Variants in TJP1 observed in about 807,000 individuals in gnomAD.
The protein encoded by TJP1 is tight junction protein 1.
TJP1 carries 43 observed loss-of-function variants against 194.2 expected under a neutral mutation model. The observed-to-expected ratio is 0.22, with a 90% confidence interval of 0.17 to 0.29. The LOEUF is 0.29. Ranked by LOEUF, TJP1 falls within the 10% of genes least tolerant of loss-of-function variation. TJP1 has a pLI of 1.00. For synonymous variants in TJP1, 801 were observed against 779.0 expected (o/e 1.03, Z -0.47); for missense variants, 1,971 against 2,185.7 (o/e 0.90, Z 1.96).
intron 2 of TJP1, among the ~76,000 whole-genome samples, chr15:29,895,069 C>CA (rs2053435104): frequency 6.6e-6 from 1 of 152,194 alleles, no homozygotes; most frequent in South Asian, 2.1e-4. Flanking sequence ...CTTGTGATGA[C>CA]AGTGGTAGCC....
At chr15:29,839,350 T>C (rs2051146785) in intron 2 of TJP1, among the ~76,000 whole-genome samples, 2 of 152,188 alleles carry the variant, frequency 1.3e-5, no homozygotes, top group South Asian at 4.1e-4. Flanking sequence ...CTTGCTATTA[T>C]AAAAATAGTG....
intron 2 of TJP1, among the ~76,000 whole-genome samples, chr15:29,795,632 A>G (rs1415344728): frequency 6.6e-6 from 1 of 152,150 alleles, no homozygotes; most frequent in Admixed American, 6.5e-5. Flanking sequence ...CATGAACTCT[A>G]CCAGAAACCA....
intron 2 of TJP1, among the ~76,000 whole-genome samples, chr15:29,789,577 A>G (rs1462693802): frequency 6.6e-6 from 1 of 152,232 alleles, no homozygotes; most frequent in East Asian, 1.9e-4. Flanking sequence ...GATGAAGAAA[A>G]TATCTTCTGG....
chr15:29,862,603 G>C (rs2052123492), intron 2 of TJP1, among the ~76,000 whole-genome samples: 1 of 151,818 alleles, frequency 6.6e-6, no homozygotes, highest in South Asian at 2.1e-4. Context: ...CAAACACCAG[G>C]CTGCATTTGC....
intron 2 of TJP1, 151 bp from the exon 3 acceptor site, chr15:29,773,508 A>C: frequency 2.8e-6 from 2 of 721,508 alleles, no homozygotes. Context: ...ACCTATTAGA[A>C]TTATCCTTGT....
chr15:29,913,202 G>GA (rs2054078419), intron 2 of TJP1, among the ~76,000 whole-genome samples: 3 of 151,966 alleles, frequency 2.0e-5, no homozygotes, highest in Non-Finnish European at 2.9e-5. Flanking sequence ...AAAAAAAAGG[G>GA]GGTAGAATAC....
chr15:29,927,307 A>G (rs1430535993), intron 2 of TJP1, among the ~76,000 whole-genome samples: 1 of 152,328 alleles, frequency 6.6e-6, no homozygotes, highest in East Asian at 1.9e-4. Flanking sequence ...GTGACAAAGC[A>G]AGACTCTGCC....
At chr15:29,791,174 AC>A (rs1490332189) in intron 2 of TJP1, among the ~76,000 whole-genome samples, 1 of 151,470 alleles carries the variant, frequency 6.6e-6, no homozygotes, top group East Asian at 2.0e-4. Context: ...CTACAGGTGC[AC>A]ACCACCACAT....
chr15:29,772,522 T>C (rs962837609), intron 3 of TJP1, among the ~76,000 whole-genome samples: 5 of 152,212 alleles, frequency 3.3e-5, no homozygotes, highest in Non-Finnish European at 7.3e-5. Context: ...AAGTTTTTCA[T>C]CTTTTAATTC....
intron 2 of TJP1, among the ~76,000 whole-genome samples, chr15:29,866,118 T>G (rs569882624): frequency 6.6e-6 from 1 of 152,358 alleles, no homozygotes; most frequent in South Asian, 2.1e-4. Flanking sequence ...TTTCTTTCAG[T>G]GATATGGCAC....
intron 8 of TJP1, among the ~76,000 whole-genome samples, 195 bp downstream of exon 8, chr15:29,760,942 AAT>A (rs2045963365): frequency 6.6e-6 from 1 of 152,214 alleles, no homozygotes; most frequent in African/African-American, 2.4e-5. Flanking sequence ...GCATGATTGA[AAT>A]ATGTTTACTA....
At chr15:29,965,443 C>T (rs2056301694) in intron 1 of TJP1, among the ~76,000 whole-genome samples, 1 of 152,116 alleles carries the variant, frequency 6.6e-6, no homozygotes, top group Admixed American at 6.6e-5. Flanking sequence ...ACCTCCTGAC[C>T]TCAAGTGGTC....
intron 2 of TJP1, among the ~76,000 whole-genome samples, chr15:29,775,977 C>A (rs1020769559): frequency 2.0e-5 from 3 of 152,090 alleles, no homozygotes; most frequent in African/African-American, 7.2e-5. Context: ...ATCCAGACAG[C>A]CTCAGTACAA....
intron 2 of TJP1, among the ~76,000 whole-genome samples, chr15:29,796,877 T>C (rs1248434379): frequency 6.6e-6 from 1 of 152,162 alleles, no homozygotes; most frequent in East Asian, 1.9e-4. Flanking sequence ...CAATTGATTT[T>C]TGACAAAGCG....
At position 29,704,518 on chromosome 15, in the gene TJP1, T is replaced by C. The variant is rs377677916; in HGVS notation, c.5069-213A>G. 7.9e-5 allele frequency among the ~76,000 whole-genome samples: 12 copies of C among 152,360 alleles called. No homozygotes were observed. The East Asian group carries it at 1.7e-3, about 22-fold the overall frequency. On this transcript the variant is annotated intron_variant, in intron 26 of 27. Transcript: ENST00000614355. ...TTAGAAAGTAAAAAGAAACAAGTGA[T>C]ATCAAATCTTACAATATTTTAATAT...
chr15:29,919,393 A>AAT (rs1463344924), intron 2 of TJP1, among the ~76,000 whole-genome samples: 1 of 152,190 alleles, frequency 6.6e-6, no homozygotes, highest in Non-Finnish European at 1.5e-5. Flanking sequence ...ATGCAGTCAT[A>AAT]CAACAGTGTT....
chr15:29,707,354 C>T (rs1181361876), intron 25 of TJP1, among the ~76,000 whole-genome samples: 1 of 152,154 alleles, frequency 6.6e-6, no homozygotes, highest in African/African-American at 2.4e-5. Flanking sequence ...CGTTTCACTC[C>T]AGCATGACCG....
Position 29,700,653 on chromosome 15 carries a change from C to A in TJP1, c.*942G>T. On this transcript the variant is annotated 3_prime_UTR_variant, in exon 28 of 28. Coordinates refer to ENST00000614355, the MANE Select transcript of TJP1 (RefSeq NM_001330239.4). Reference sequence around the variant, plus strand: ...GTGGTATGCACGCATTATGTACAAGCATCCTTAAAACATCAAAATTTTCAA... The same window carrying A: ...GTGGTATGCACGCATTATGTACAAGAATCCTTAAAACATCAAAATTTTCAA... 3 of 334,220 alleles carry A rather than the reference C, an allele frequency of 9.0e-6. No individual in the cohort carries two copies. The highest frequency in any genetic ancestry group is 1.1e-5 in the Non-Finnish European group (2 of 187,850). 20.7% of individuals were successfully genotyped at this position (334,220 alleles called of 1,614,324 possible).
intron 2 of TJP1, among the ~76,000 whole-genome samples, chr15:29,799,188 A>T (rs1245845877): frequency 3.3e-5 from 5 of 151,412 alleles, no homozygotes; most frequent in Non-Finnish European, 5.9e-5. Context: ...GTAATATGAT[A>T]AAAAAAATAC....
Sources: allele counts gnomAD v4.1 joint callset (sites outside exome capture counted in the v4.1 genomes callset), GRCh38; gene constraint gnomAD v4.1.1; transcripts MANE v1.5; gene names NCBI Gene and HGNC (gene_info 2026-07-23, HGNC 2026-07-21).